The following SOX6 variants were observed in gnomAD, a reference collection of about 807,000 sequenced individuals.
SOX6 encodes the protein transcription factor SOX-6.
SOX6 carries 11 observed loss-of-function variants against 97.8 expected under a neutral mutation model. The observed-to-expected ratio is 0.11, with a 90% CI of 0.07 to 0.19. SOX6 has a LOEUF of 0.19. Among genes scored for constraint, SOX6 ranks in the 10% least tolerant of loss-of-function variants. The pLI, the probability that SOX6 is intolerant of heterozygous loss-of-function variation, is 1.00. For synonymous variants in SOX6, 360 were observed against 371.4 expected (o/e 0.97, Z 0.35); for missense variants, 810 against 1,039.5 (o/e 0.78, Z 3.04).
In SOX6 at chr11:15,986,343, A is replaced by G. The variant is rs766973060; in HGVS notation, c.2044T>C (p.Leu682=). 2 of 1,614,048 alleles carry G rather than the reference A, an allele frequency of 1.2e-6. No individual in the cohort carries two copies. The highest frequency in any genetic ancestry group is 2.7e-5 in the African/African-American group (2 of 74,988). The change falls in exon 15 of 16, where the codon TTA becomes CTA. Residue 682 remains leucine, a synonymous_variant. Coordinates refer to ENST00000683767, the MANE Select transcript of SOX6 (RefSeq NM_001367873.1). ...TATTTATAGTTTGGGTACTTCTCTA[A>G]GTGGATCTTGCTTAGCCGGGCCTGC... The part of the protein sequence containing the change: ...EEQARLSKIH[L]EKYPNYKYKP...
intron 8 of SOX6, 61 bp from the exon 9 acceptor site, chr11:16,096,179 A>C (rs1477266150): frequency 6.4e-7 from 1 of 1,566,658 alleles, no homozygotes; most frequent in Non-Finnish European, 8.8e-7. Context: ...GAACTCATGA[A>C]ACAGAATACA....
intron 9 of SOX6, among the ~76,000 whole-genome samples, chr11:16,075,058 T>C (rs1295787741): frequency 6.6e-6 from 1 of 151,862 alleles, no homozygotes; most frequent in Non-Finnish European, 1.5e-5. Context: ...GAACAGAATA[T>C]AGAGCCCAGA....
intron 15 of SOX6, among the ~76,000 whole-genome samples, chr11:15,980,130 C>G (rs959615908): frequency 8.6e-5 from 13 of 152,016 alleles, no homozygotes; most frequent in African/African-American, 3.1e-4. Flanking sequence ...TGAAAATAAC[C>G]ATCTTTAGAC....
chr11:16,078,648 A>T (rs1217573123), intron 9 of SOX6, among the ~76,000 whole-genome samples: 1 of 152,168 alleles, frequency 6.6e-6, no homozygotes, highest in African/African-American at 2.4e-5. Context: ...AACAAGACAG[A>T]TAAGCATATA....
intron 3 of SOX6, chr11:16,313,308 G>C (rs997470020): frequency 6.6e-6 from 1 of 152,176 alleles, no homozygotes; most frequent in Admixed American, 6.5e-5. Context: ...AAATGAGGGA[G>C]AGGTATTTAG....
intron 4 of SOX6, among the ~76,000 whole-genome samples, chr11:16,208,615 C>T (rs1452028281): frequency 6.6e-6 from 1 of 152,138 alleles, no homozygotes; most frequent in Non-Finnish European, 1.5e-5. Flanking sequence ...ACAAAGTGAG[C>T]TTTTCACTTG....
At chr11:16,377,307 T>C (rs1857669156) in intron 1 of SOX6, among the ~76,000 whole-genome samples, 1 of 152,088 alleles carries the variant, frequency 6.6e-6, no homozygotes, top group Non-Finnish European at 1.5e-5. Flanking sequence ...GTAATGTTAG[T>C]TTTCCTTGTT....
At chr11:16,246,568 C>T (rs1332645451) in intron 3 of SOX6, among the ~76,000 whole-genome samples, 7 of 151,710 alleles carry the variant, frequency 4.6e-5, no homozygotes, top group South Asian at 2.1e-4. Flanking sequence ...ATTGTGATAT[C>T]TAACTGAATT....
intron 2 of SOX6, among the ~76,000 whole-genome samples, chr11:16,334,135 T>C (rs1014857023): frequency 6.6e-6 from 1 of 151,342 alleles, no homozygotes; most frequent in African/African-American, 2.4e-5. Flanking sequence ...ATGATTAAAA[T>C]AAAAATAAAC....
intron 4 of SOX6, among the ~76,000 whole-genome samples, chr11:16,189,064 AAAAC>A (rs1437772851): frequency 6.6e-6 from 1 of 152,138 alleles, no homozygotes; most frequent in Non-Finnish European, 1.5e-5. Flanking sequence ...CTCCATCTCA[AAAAC>A]AAACAAACAA....
chr11:16,170,295 T>C (rs1286074484), intron 6 of SOX6, among the ~76,000 whole-genome samples: 1 of 152,018 alleles, frequency 6.6e-6, no homozygotes, highest in Admixed American at 6.6e-5. Context: ...CTGTGCTTAA[T>C]ACATGAGAGC....
At chr11:16,206,296 T>C (rs1202414548) in intron 4 of SOX6, among the ~76,000 whole-genome samples, 1 of 152,134 alleles carries the variant, frequency 6.6e-6, no homozygotes, top group East Asian at 1.9e-4. Flanking sequence ...TCTTTATATT[T>C]ACAAAAGACC....
intron 9 of SOX6, among the ~76,000 whole-genome samples, chr11:16,089,214 A>G (rs1848633442): frequency 6.6e-6 from 1 of 152,148 alleles, no homozygotes; most frequent in Non-Finnish European, 1.5e-5. Context: ...TTAGTCCATT[A>G]AATGGAAATG....
intron 12 of SOX6, chr11:16,031,589 T>C (rs895430301): frequency 2.0e-5 from 3 of 152,120 alleles, no homozygotes; most frequent in South Asian, 2.1e-4. Flanking sequence ...AGCCCTGCCA[T>C]AGAAGAATGC....
chr11:16,481,525 T>C (rs1000455292), intron 4 of SOX6, among the ~76,000 whole-genome samples: 7 of 152,196 alleles, frequency 4.6e-5, no homozygotes, highest in African/African-American at 1.7e-4. Context: ...CAAAGGTAGT[T>C]ATTATTGAAG....
chr11:16,426,913 C>CAA (rs34720074), intron 1 of SOX6, among the ~76,000 whole-genome samples: 6,599 of 60,360 alleles, frequency 0.11, 784 homozygotes, highest in Non-Finnish European at 0.12. Flanking sequence ...GACTCCGTCT[C>CAA]AAAAAAAAAA....
intron 6 of SOX6, among the ~76,000 whole-genome samples, chr11:16,115,660 A>G (rs1166024873): frequency 6.6e-6 from 1 of 152,182 alleles, no homozygotes; most frequent in Non-Finnish European, 1.5e-5. Context: ...CTAAGGTTAC[A>G]GTGTCATGAC....
At chr11:16,134,452 T>C (rs1849903608) in intron 6 of SOX6, among the ~76,000 whole-genome samples, 1 of 152,192 alleles carries the variant, frequency 6.6e-6, no homozygotes, top group South Asian at 2.1e-4. Context: ...GTATACCTCA[T>C]GTTATTGTTC....
At chr11:16,409,219 G>A (rs991426711) in intron 1 of SOX6, among the ~76,000 whole-genome samples, 3 of 149,706 alleles carry the variant, frequency 2.0e-5, no homozygotes, top group South Asian at 2.1e-4. Flanking sequence ...GCCTTATGGC[G>A]ACAACCTCCA....
Sources: allele counts gnomAD v4.1 joint callset (sites outside exome capture counted in the v4.1 genomes callset), GRCh38; gene constraint gnomAD v4.1.1; transcripts MANE v1.5; gene names NCBI Gene and HGNC (gene_info 2026-07-23, HGNC 2026-07-21).